The following PCDHA4 variants were observed in gnomAD, a reference collection of about 807,000 sequenced individuals.
The protein encoded by PCDHA4 is protocadherin alpha 4, also known as protocadherin alpha-4.
Under a neutral mutation model 61.4 loss-of-function variants are expected in PCDHA4, and 49 were observed. The observed-to-expected ratio is 0.80, with a 90% CI of 0.63 to 1.01. PCDHA4 has a LOEUF of 1.01. PCDHA4 is among the 50% of genes least tolerant of loss of function. PCDHA4 has a pLI of 0.00. For synonymous variants in PCDHA4, 590 were observed against 550.3 expected (o/e 1.07, Z -1.01); for missense variants, 1,254 against 1,235.8 (o/e 1.01, Z -0.22).
intron 1 of PCDHA4, among the ~76,000 whole-genome samples, chr5:140,935,915 CAG>C (rs2090644404): frequency 7.6e-6 from 1 of 131,048 alleles, no homozygotes; most frequent in Non-Finnish European, 1.6e-5. Flanking sequence ...TTTTTTGAGA[CAG>C]ATTCTCATTC....
intron 1 of PCDHA4, chr5:140,825,977 A>G (rs1185654246): frequency 6.6e-6 from 1 of 152,320 alleles, no homozygotes; most frequent in Non-Finnish European, 1.5e-5. Context: ...GGGGAAAAGT[A>G]TGGATTTATA....
intron 1 of PCDHA4, among the ~76,000 whole-genome samples, chr5:140,963,905 G>A (rs1326633249): frequency 6.6e-6 from 1 of 152,182 alleles, no homozygotes; most frequent in African/African-American, 2.4e-5. Flanking sequence ...TGAGTAAAGT[G>A]AAGCTTAGGC....
chr5:140,922,342 A>G (rs1256854965), intron 1 of PCDHA4, among the ~76,000 whole-genome samples: 2 of 152,184 alleles, frequency 1.3e-5, no homozygotes, highest in East Asian at 3.8e-4. Flanking sequence ...GTATATTGGT[A>G]TTTTCTAGAG....
At chr5:140,952,879 G>C (rs1325308016) in intron 1 of PCDHA4, among the ~76,000 whole-genome samples, 1 of 152,094 alleles carries the variant, frequency 6.6e-6, no homozygotes, top group Non-Finnish European at 1.5e-5. Context: ...TTACAATCAT[G>C]GTGGAAGGCA....
intron 1 of PCDHA4, chr5:140,969,215 C>G (rs782320507): frequency 6.2e-7 from 1 of 1,614,128 alleles, no homozygotes; most frequent in South Asian, 1.1e-5. Flanking sequence ...CCAGACAGGA[C>G]CAGGGCCTTC....
At chr5:140,860,385 A>T (rs2046366779) in intron 1 of PCDHA4, 1 of 152,142 alleles carries the variant, frequency 6.6e-6, no homozygotes, top group African/African-American at 2.4e-5. Flanking sequence ...TATTTCAAAA[A>T]TTGAAAAAAG....
intron 3 of PCDHA4, among the ~76,000 whole-genome samples, chr5:141,008,010 T>C (rs2098356270): frequency 6.6e-6 from 1 of 152,214 alleles, no homozygotes; most frequent in African/African-American, 2.4e-5. Context: ...TAAACTTCTG[T>C]TTCCTTTTTT....
At chr5:140,963,128 T>A (rs1283011021) in intron 1 of PCDHA4, among the ~76,000 whole-genome samples, 1 of 152,144 alleles carries the variant, frequency 6.6e-6, no homozygotes, top group African/African-American at 2.4e-5. Context: ...AGAGATAATA[T>A]TAAATTATTT....
Position 140,835,484 on chromosome 5 carries a change from C to A in PCDHA4, c.2385+25912C>A, listed in dbSNP as rs2150236532. On this transcript the variant is annotated intron_variant, in intron 1 of 3. Coordinates refer to ENST00000530339, the MANE Select transcript of PCDHA4 (RefSeq NM_018907.4). ...TTCCAGAGGACGCCCAACCAGGTAC[C>A]GTCATCACATTGATTAGCGTGTTTG... The A allele has an allele frequency of 3.7e-6, 6 of 1,613,808 alleles. No individual in the cohort carries two copies. The African/African-American group carries it at 6.7e-5, about 18-fold the overall frequency.
chr5:140,883,726 G>A, intron 1 of PCDHA4: 2 of 1,613,590 alleles, frequency 1.2e-6, no homozygotes, highest in Non-Finnish European at 1.7e-6. Context: ...ACGCACAGGA[G>A]AACGCGCTGG....
intron 1 of PCDHA4, chr5:140,969,353 C>T (rs781980010): frequency 3.7e-6 from 6 of 1,612,562 alleles, no homozygotes; most frequent in Non-Finnish European, 4.2e-6. Context: ...GTCAGGGGGT[C>T]TTCTACAAAC....
intron 1 of PCDHA4, chr5:140,823,600 G>A: frequency 6.2e-6 from 10 of 1,614,032 alleles, no homozygotes; most frequent in Non-Finnish European, 8.5e-6. Flanking sequence ...GCTTTCGTAT[G>A]AGCTGCAGCC....
At position 140,869,505 on chromosome 5, in the gene PCDHA4, G is replaced by A. The variant is rs376431150; in HGVS notation, c.2385+59933G>A. On this transcript the variant is annotated intron_variant, in intron 1 of 3. Coordinates refer to ENST00000530339, the MANE Select transcript of PCDHA4 (RefSeq NM_018907.4). ...TTAACGACAACCCGCCGGTGTTCTCGCTCAGAGAACAAAAGCTGCTGATTG... is the reference window on the plus strand; with the variant it reads ...TTAACGACAACCCGCCGGTGTTCTCACTCAGAGAACAAAAGCTGCTGATTG... 89 of 1,614,192 alleles carry A rather than the reference G, an allele frequency of 5.5e-5. No individual in the cohort carries two copies. In the African/African-American group the frequency reaches 1.1e-3, roughly 19 times the overall value.
intron 1 of PCDHA4, among the ~76,000 whole-genome samples, chr5:140,937,621 GAAAA>G (rs1276369305): frequency 1.4e-5 from 2 of 142,038 alleles, no homozygotes; most frequent in Non-Finnish European, 3.1e-5. Context: ...CATCTAAAAA[GAAAA>G]AGAAAGGCAG....
Position 140,858,511 on chromosome 5 carries a change from G to A in PCDHA4, c.2385+48939G>A. ...TCTCTTACCGCATTTTCTCAAATAT[G>A]TATCAGAATATTTCATTTTTGTCTA... On this transcript the variant is annotated intron_variant, in intron 1 of 3. Transcript: ENST00000530339. 5 of 1,433,712 alleles carry A rather than the reference G, an allele frequency of 3.5e-6. 1 individual carries two copies. The highest frequency in any genetic ancestry group is 4.8e-6 in the Non-Finnish European group (5 of 1,040,150). 88.8% of individuals were successfully genotyped at this position (1,433,712 alleles called of 1,614,324 possible).
At chr5:140,925,800 C>T (rs1318763578) in intron 1 of PCDHA4, among the ~76,000 whole-genome samples, 5 of 152,070 alleles carry the variant, frequency 3.3e-5, no homozygotes, top group African/African-American at 1.2e-4. Context: ...AGTACTTTCC[C>T]CTCCACTTCT....
At chr5:140,968,578 C>T in intron 1 of PCDHA4, 3 of 1,614,206 alleles carry the variant, frequency 1.9e-6, no homozygotes, top group Non-Finnish European at 2.5e-6. Context: ...GCTACCTGGT[C>T]ACCAAAGTCA....
chr5:140,966,351 T>C (rs2095993357), intron 1 of PCDHA4: 1 of 397,668 alleles, frequency 2.5e-6, no homozygotes, highest in South Asian at 1.4e-4. Flanking sequence ...GTGAAGGAGA[T>C]GGGGCTGGAG....
chr5:140,844,595 A>G (rs2150372413), intron 1 of PCDHA4, among the ~76,000 whole-genome samples: 1 of 149,668 alleles, frequency 6.7e-6, no homozygotes, highest in East Asian at 1.9e-4. Flanking sequence ...GATATTTAAT[A>G]TATGACTTAG....
Sources: gnomAD v4.1 joint callset for allele counts (sites outside exome capture counted in the v4.1 genomes callset) on GRCh38, gnomAD v4.1.1 for gene constraint, MANE v1.5 for transcripts, NCBI Gene and HGNC (gene_info 2026-07-23, HGNC 2026-07-21) for gene names.